The following IL16 variants were observed in gnomAD, a reference collection of about 807,000 sequenced individuals.
IL16 encodes the protein interleukin 16.
In IL16, 67 loss-of-function variants were observed where a neutral mutation model predicts 110.1. That is an observed-to-expected ratio of 0.61 (90% CI 0.50 to 0.75). The LOEUF is 0.75. Among genes scored for constraint, IL16 ranks in the 30% least tolerant of loss-of-function variants. The pLI, the probability that IL16 is intolerant of heterozygous loss-of-function variation, is 0.00. For synonymous variants in IL16, 689 were observed against 662.9 expected (o/e 1.04, Z -0.61); for missense variants, 1,545 against 1,655.0 (o/e 0.93, Z 1.15).
intron 15 of IL16, chr15:81,302,179 G>A (rs1900320702): frequency 6.6e-6 from 1 of 152,348 alleles, no homozygotes; most frequent in Non-Finnish European, 1.5e-5. Flanking sequence ...GCTAGGATGA[G>A]AGGATAAGGA....
chr15:81,283,032 C>T (rs1411455233), intron 9 of IL16, among the ~76,000 whole-genome samples: 1 of 152,190 alleles, frequency 6.6e-6, no homozygotes, highest in Non-Finnish European at 1.5e-5. Context: ...CTCCAGGCCA[C>T]TGGGAGGGTG....
intron 1 of IL16, among the ~76,000 whole-genome samples, chr15:81,208,749 C>T (rs1896126836): frequency 6.6e-6 from 1 of 152,176 alleles, no homozygotes; most frequent in Non-Finnish European, 1.5e-5. Context: ...ATACATATAA[C>T]AGCAGTATTG....
At chr15:81,201,250 C>G (rs576128750) in intron 1 of IL16, among the ~76,000 whole-genome samples, 1 of 151,742 alleles carries the variant, frequency 6.6e-6, no homozygotes, top group Admixed American at 6.6e-5. Flanking sequence ...AAAACTCAAG[C>G]CAAAGCAATC....
In IL16 at chr15:81,293,055, C is replaced by T. The variant is rs1899816426; in HGVS notation, c.1902+18C>T. On this transcript the variant is annotated intron_variant, in intron 12 of 18. Coordinates refer to ENST00000683961, the MANE Select transcript of IL16 (RefSeq NM_172217.5). The stretch of plus-strand genomic sequence containing the variant: ...GTGGCCAGGTAAGAGGATGGGTCCA[C>T]AGGTTGAGTGTTTCCAGGACCAGAC... 1.9e-6 allele frequency: 3 copies of T among 1,588,494 alleles called. No individual in the cohort carries two copies. The South Asian group carries it at 3.3e-5, about 18-fold the overall frequency.
intron 2 of IL16, among the ~76,000 whole-genome samples, chr15:81,259,370 A>G (rs1898070450): frequency 6.6e-6 from 1 of 152,154 alleles, no homozygotes; most frequent in African/African-American, 2.4e-5. Flanking sequence ...ATTCTCTGTA[A>G]TTATCTTTCA....
Position 81,292,612 on chromosome 15 carries a change from G to A in IL16, c.1477G>A (p.Glu493Lys), listed in dbSNP as rs539732264. 5.6e-6 allele frequency: 9 copies of A among 1,608,120 alleles called. No homozygotes were observed. Among genetic ancestry groups the A allele is most frequent in the Non-Finnish European group, 7.7e-6 (9 of 1,175,180 alleles). ...GCGGCCCACCTTGGAGAAGGAACGAGAGAAGAACTCAGCACCCCCGCATCG... is the reference window on the plus strand; with the variant it reads ...GCGGCCCACCTTGGAGAAGGAACGAAAGAAGAACTCAGCACCCCCGCATCG... ...HGRPTLEKER[E>K]KNSAPPHRRA... Residue 493 changes from glutamate to lysine, a missense_variant, in exon 12 of 19, where the codon GAG (glutamate) becomes AAG (lysine). Around this residue, in one of 3 missense-constraint regions of IL16, gnomAD observed 1,185 missense variants for 1,238.8 expected, o/e 0.96. Transcript: ENST00000683961.
In IL16 at chr15:81,285,749, G is replaced by T. The variant is rs146273436; in HGVS notation, c.1251G>T (p.Thr417=). Residue 417 remains threonine (T), a synonymous_variant, in exon 10 of 19, where the codon ACG becomes ACT. Transcript: ENST00000683961. ...EISDSPVHCL[T]LNEVYTILSH... ...GTGATTCCCCTGTGCACTGCCTGAC[G>T]CTCAATGAAGTCTACACGATCCTGA... 6.6e-5 allele frequency: 106 copies of T among 1,614,036 alleles called. No individual in the cohort carries two copies. In the African/African-American group the frequency reaches 1.3e-3, roughly 20 times the overall value.
intron 1 of IL16, among the ~76,000 whole-genome samples, chr15:81,197,767 C>T (rs1394375099): frequency 6.6e-6 from 1 of 151,970 alleles, no homozygotes; most frequent in African/African-American, 2.4e-5. Flanking sequence ...AGTTTGCTTT[C>T]TGTAGCTGGA....
chr15:81,230,081 T>G (rs560305619), intron 2 of IL16, among the ~76,000 whole-genome samples: 5 of 152,256 alleles, frequency 3.3e-5, no homozygotes, highest in African/African-American at 1.2e-4. Context: ...CCAAACTAAT[T>G]AAGCATTTGA....
intron 2 of IL16, among the ~76,000 whole-genome samples, chr15:81,231,319 G>A (rs551429828): frequency 5.5e-4 from 23 of 41,758 alleles, no homozygotes; most frequent in African/African-American, 1.4e-3. Context: ...ACCCAAGGTC[G>A]GTCTGTCTCT....
At chr15:81,294,843 C>G (rs1899908742) in intron 12 of IL16, among the ~76,000 whole-genome samples, 1 of 152,176 alleles carries the variant, frequency 6.6e-6, no homozygotes, top group South Asian at 2.1e-4. Flanking sequence ...CTCAAAATTT[C>G]CTTGACCATT....
At chr15:81,205,699 T>A (rs1027540533) in intron 1 of IL16, among the ~76,000 whole-genome samples, 1 of 152,014 alleles carries the variant, frequency 6.6e-6, no homozygotes, top group African/African-American at 2.4e-5. Flanking sequence ...CAGATTCAGT[T>A]TAAAAAAGGG....
rs374076985 is a variant in IL16 at position 81,285,707 on chromosome 15, C to A, written c.1209C>A (p.Asp403Glu). 2.5e-6 allele frequency: 4 copies of A among 1,613,956 alleles called. No individual in the cohort carries two copies. In the African/African-American group the frequency reaches 5.3e-5, roughly 22 times the overall value. Reference sequence around the variant, plus strand: ...ATTGATGCTTGCACAGGTGTGGGGACGAGATTGTGGAAATCAGTGATTCCC... The same window carrying A: ...ATTGATGCTTGCACAGGTGTGGGGAAGAGATTGTGGAAATCAGTGATTCCC... ...AHLDGRLRCG[D>E]EIVEISDSPV... Residue 403 changes from aspartate (D) to glutamate (E), a missense_variant, in exon 10 of 19, where the codon GAC (aspartate) becomes GAA (glutamate). Asp to Glu is a conservative substitution (Grantham distance 45, BLOSUM62 2). Around this residue, in one of 3 missense-constraint regions of IL16, gnomAD observed 1,185 missense variants for 1,238.8 expected, o/e 0.96. Coordinates refer to ENST00000683961, the MANE Select transcript of IL16 (RefSeq NM_172217.5).
intron 4 of IL16, among the ~76,000 whole-genome samples, chr15:81,268,796 G>A (rs80023084): frequency 0.021 from 3,203 of 152,330 alleles, 105 homozygotes; most frequent in African/African-American, 0.074. Flanking sequence ...TTAAGCACTC[G>A]CATAGATTTA....
Position 81,300,138 on chromosome 15 carries a change from C to G in IL16, c.2812C>G (p.Pro938Ala). ...QPNQKTLPPG[P>A]DPLLRLLSTQ... ...CAATCAGAAAACTCTCCCCCCTGGC[C>G]CGGACCCGCTCCTAAGGCTGCTGTC... is the stretch of plus-strand genomic sequence containing the variant. The change falls in exon 14 of 19, where the codon CCG becomes GCG. Residue 938 changes from proline (P) to alanine (A), a missense_variant. Coordinates refer to ENST00000683961, the MANE Select transcript of IL16 (RefSeq NM_172217.5). 1 of 1,609,912 alleles carries G rather than the reference C, an allele frequency of 6.2e-7. No homozygotes were observed. The highest frequency in any genetic ancestry group is 1.3e-5 in the African/African-American group (1 of 74,896).
intron 1 of IL16, among the ~76,000 whole-genome samples, chr15:81,223,584 A>G (rs1896690348): frequency 6.6e-6 from 1 of 152,234 alleles, no homozygotes; most frequent in Non-Finnish European, 1.5e-5. Context: ...TCTGTGCCTT[A>G]GTATCTCTTC....
At chr15:81,190,161 T>A (rs1300361432) in intron 1 of IL16, among the ~76,000 whole-genome samples, 2 of 152,244 alleles carry the variant, frequency 1.3e-5, no homozygotes, top group Non-Finnish European at 2.9e-5. Context: ...ACATGGTTCC[T>A]GCCAAAGTCT....
intron 18 of IL16, 192 bp downstream of exon 18, chr15:81,306,737 A>G (rs932036635): frequency 1.8e-5 from 12 of 684,466 alleles, no homozygotes; most frequent in Non-Finnish European, 2.6e-5. Context: ...CATCCCCTCA[A>G]TCCCCCCTCT....
chr15:81,300,235 C>T lies in IL16; in HGVS notation c.2909C>T (p.Thr970Ile), dbSNP rs1184004886. The change falls in exon 14 of 19, where the codon ACC (threonine) becomes ATC (isoleucine). Residue 970 changes from threonine (T) to isoleucine (I), a missense_variant. Thr to Ile is a moderately conservative substitution (Grantham distance 89, BLOSUM62 -1). This residue lies in a region of IL16 where 1,185 missense variants were observed against 1,238.8 expected (regional missense o/e 0.96). Coordinates refer to ENST00000683961, the MANE Select transcript of IL16 (RefSeq NM_172217.5). Reference sequence around the variant, plus strand: ...CAGCGAGCACGGAGCTTCCCCCTGACCAGGTCCCAGTCCTGTGAGACGAAG... The same window carrying T: ...CAGCGAGCACGGAGCTTCCCCCTGATCAGGTCCCAGTCCTGTGAGACGAAG... ...PSQRARSFPL[T>I]RSQSCETKLL... 1 of 1,614,112 alleles carries T rather than the reference C, an allele frequency of 6.2e-7. No homozygotes were observed. The highest frequency in any genetic ancestry group is 8.5e-7 in the Non-Finnish European group (1 of 1,180,052).
Sources: gnomAD v4.1 joint callset for allele counts (sites outside exome capture counted in the v4.1 genomes callset) on GRCh38, gnomAD v4.1.1 for gene constraint, gnomAD v4.1.1 regional missense constraint, MANE v1.5 for transcripts, NCBI Gene and HGNC (gene_info 2026-07-23, HGNC 2026-07-21) for gene names.